PARN: variants seen among roughly 807,000 people sequenced by gnomAD.
PARN encodes the protein poly(A)-specific ribonuclease PARN.
A neutral mutation model predicts 102.8 loss-of-function variants in PARN; 71 were observed. That is an observed-to-expected ratio of 0.69 (90% CI 0.57 to 0.84). PARN has a LOEUF of 0.84. PARN is among the 40% of genes least tolerant of loss of function. PARN has a pLI of 0.00. For missense variants in PARN, 782 were observed against 760.9 expected (o/e 1.03, Z -0.33); for synonymous variants, 261 against 252.9 (o/e 1.03, Z -0.30).
At chr16:14,501,384 G>A (rs373105791) in intron 21 of PARN, among the ~76,000 whole-genome samples, 10 of 119,988 alleles carry the variant, frequency 8.3e-5, no homozygotes, top group Admixed American at 4.3e-4. Flanking sequence ...GAGGTGGGAG[G>A]ATCACTTGAT....
At chr16:14,492,247 C>T (rs1001128039) in intron 21 of PARN, among the ~76,000 whole-genome samples, 3 of 152,196 alleles carry the variant, frequency 2.0e-5, no homozygotes, top group East Asian at 1.9e-4. Context: ...TAGTGGAGGA[C>T]GGCATTCCTT....
intron 21 of PARN, among the ~76,000 whole-genome samples, chr16:14,535,543 C>T (rs566559478): frequency 7.2e-5 from 11 of 152,108 alleles, no homozygotes; most frequent in Non-Finnish European, 1.6e-4. Context: ...GAAACTAATG[C>T]TATACATTTC....
intron 18 of PARN, among the ~76,000 whole-genome samples, chr16:14,561,427 T>C (rs953294999): frequency 2.6e-5 from 4 of 152,218 alleles, no homozygotes; most frequent in Non-Finnish European, 4.4e-5. Context: ...GTATATTCAA[T>C]GTGGTGTTGT....
rs952195696 is a variant in PARN, at chr16:14,450,005, A to C, written c.1671-2924T>G. On this transcript the variant is annotated intron_variant, in intron 22 of 23. Coordinates refer to ENST00000437198, the MANE Select transcript of PARN (RefSeq NM_002582.4). ...TCCTACAATGCAAAAATATGCATGT[A>C]CAAGTTATTCATTACAGCATTATTT... Among the ~76,000 whole-genome samples, 5 of 152,362 alleles carry C rather than the reference A, an allele frequency of 3.3e-5. No individual in the cohort carries two copies. In the Middle Eastern group the frequency reaches 0.014, roughly 415 times the overall value.
intron 21 of PARN, among the ~76,000 whole-genome samples, chr16:14,535,779 G>A (rs191973157): frequency 9.2e-5 from 14 of 152,180 alleles, no homozygotes; most frequent in Non-Finnish European, 1.5e-4. Context: ...CTCTTCCTGT[G>A]CCTAATTTAT....
At chr16:14,553,112 A>T (rs564609986) in intron 20 of PARN, among the ~76,000 whole-genome samples, 1 of 150,840 alleles carries the variant, frequency 6.6e-6, no homozygotes, top group African/African-American at 2.4e-5. Flanking sequence ...ATATCAATTT[A>T]AAAAAAAAGA....
chr16:14,628,173 T>C lies in PARN; in HGVS notation c.176A>G (p.Lys59Arg), dbSNP rs778324179. 5 of 1,568,874 alleles carry C rather than the reference T, an allele frequency of 3.2e-6. No homozygotes were observed. The highest frequency in any genetic ancestry group is 1.1e-5 in the South Asian group (1 of 89,300). ...AGATTTCCTAGCACATCCACTTGCC[T>C]TTTTAAGCTTCTGATACCTCTCTTC... ...TPEERYQKLK[K>R]HSMDFLLFQF... Residue 59 changes from lysine (K) to arginine (R), a missense_variant and splice_region_variant, in exon 3 of 24, where the codon AAG becomes AGG. By Grantham distance (26) the Lys-to-Arg change is conservative. Coordinates refer to ENST00000437198, the MANE Select transcript of PARN (RefSeq NM_002582.4).
At chr16:14,462,677 A>G (rs1352580650) in intron 22 of PARN, among the ~76,000 whole-genome samples, 1 of 152,168 alleles carries the variant, frequency 6.6e-6, no homozygotes, top group Non-Finnish European at 1.5e-5. Context: ...GAAGAAAAGA[A>G]AAAAGAGGCT....
chr16:14,536,339 AT>A (rs1314736187), intron 21 of PARN, among the ~76,000 whole-genome samples: 5 of 152,192 alleles, frequency 3.3e-5, no homozygotes, highest in African/African-American at 9.6e-5. Context: ...TTAATCAACT[AT>A]TTCATTATAT....
chr16:14,562,366 G>T (rs1256943699), intron 18 of PARN, among the ~76,000 whole-genome samples: 1 of 150,582 alleles, frequency 6.6e-6, no homozygotes, highest in Non-Finnish European at 1.5e-5. Context: ...GCTAAGGCAG[G>T]AGGAGCCCCT....
At chr16:14,440,052 CCAA>C (rs906949672) in intron 23 of PARN, among the ~76,000 whole-genome samples, 3 of 151,840 alleles carry the variant, frequency 2.0e-5, no homozygotes, top group African/African-American at 4.8e-5. Context: ...ACCACCACCA[CCAA>C]CAACAACAAA....
chr16:14,559,756 T>C (rs1967937495), intron 18 of PARN, among the ~76,000 whole-genome samples: 1 of 152,114 alleles, frequency 6.6e-6, no homozygotes, highest in Non-Finnish European at 1.5e-5. Flanking sequence ...AAATGAATTA[T>C]TAATAGCACT....
intron 6 of PARN, among the ~76,000 whole-genome samples, chr16:14,615,971 T>C (rs1484653142): frequency 3.3e-5 from 5 of 151,714 alleles, no homozygotes; most frequent in African/African-American, 1.2e-4. Context: ...CTGCTGAGAA[T>C]AGGAGAATTC....
At chr16:14,533,284 C>G (rs1966453284) in intron 21 of PARN, among the ~76,000 whole-genome samples, 1 of 152,150 alleles carries the variant, frequency 6.6e-6, no homozygotes, top group African/African-American at 2.4e-5. Flanking sequence ...CGCGCGCCTG[C>G]AATCGCAAGT....
intron 10 of PARN, 107 bp from the exon 11 acceptor site, chr16:14,604,333 T>C (rs1211955802): frequency 1.5e-6 from 1 of 686,714 alleles, no homozygotes. Context: ...TGATCTCAGC[T>C]CACTGCAAAC....
At chr16:14,593,235 A>G in intron 13 of PARN, 66 bp downstream of exon 13, 1 of 871,508 alleles carries the variant, frequency 1.1e-6, no homozygotes. Flanking sequence ...TAAAAGCATC[A>G]TAATAATATT....
intron 21 of PARN, among the ~76,000 whole-genome samples, chr16:14,529,660 A>T (rs2151666250): frequency 6.6e-6 from 1 of 152,286 alleles, no homozygotes; most frequent in South Asian, 2.1e-4. Context: ...ATGGCCAGCA[A>T]TAAAGTATCA....
chr16:14,562,650 A>T (rs1051821935), intron 18 of PARN, among the ~76,000 whole-genome samples: 10 of 130,956 alleles, frequency 7.6e-5, no homozygotes, highest in South Asian at 2.3e-4. Context: ...AAGTAGATTT[A>T]AAAAAAAAAA....
chr16:14,452,916 C>T (rs1299312748), intron 22 of PARN, among the ~76,000 whole-genome samples: 12 of 152,126 alleles, frequency 7.9e-5, no homozygotes, highest in Admixed American at 7.9e-4. Context: ...TGTAACACTG[C>T]CTTTACAAAT....
Sources: gnomAD v4.1 joint callset for allele counts (sites outside exome capture counted in the v4.1 genomes callset) on GRCh38, gnomAD v4.1.1 for gene constraint, MANE v1.5 for transcripts, NCBI Gene and HGNC (gene_info 2026-07-23, HGNC 2026-07-21) for gene names.